The following MCTP1 variants were observed in gnomAD, a reference collection of about 807,000 sequenced individuals.
MCTP1 encodes multiple C2 and transmembrane domain containing 1, also known as multiple C2 and transmembrane domain-containing protein 1.
A neutral mutation model predicts 120.6 loss-of-function variants in MCTP1; 69 were observed. The observed-to-expected ratio is 0.57, with a 90% CI of 0.47 to 0.70. The LOEUF (loss-of-function observed/expected upper bound fraction) is 0.70, where lower values mean the gene tolerates loss of function less well. Ranked by LOEUF, MCTP1 falls within the 30% of genes least tolerant of loss-of-function variation. The pLI, the probability that MCTP1 is intolerant of heterozygous loss-of-function variation, is 0.00. For missense variants in MCTP1, 1,203 were observed against 1,248.8 expected, an observed-to-expected ratio of 0.96 and a Z score of 0.55; for synonymous variants, 529 against 493.1, an observed-to-expected ratio of 1.07 and a Z score of -0.96.
intron 18 of MCTP1, chr5:94,792,615 C>A (rs976635218): frequency 2.0e-5 from 3 of 152,340 alleles, no homozygotes; most frequent in African/African-American, 7.2e-5. Flanking sequence ...ATTTCTGTTT[C>A]CTCACCCTTA....
At chr5:95,122,509 G>A (rs1758317394) in intron 1 of MCTP1, among the ~76,000 whole-genome samples, 1 of 152,076 alleles carries the variant, frequency 6.6e-6, no homozygotes, top group South Asian at 2.1e-4. Flanking sequence ...ACAAATATTG[G>A]CAAGGATATA....
At chr5:95,065,060 T>C (rs1034263105) in intron 1 of MCTP1, among the ~76,000 whole-genome samples, 1 of 152,156 alleles carries the variant, frequency 6.6e-6, no homozygotes, top group Non-Finnish European at 1.5e-5. Flanking sequence ...CATTTAAAAT[T>C]TATATAACTG....
intron 1 of MCTP1, among the ~76,000 whole-genome samples, chr5:95,033,298 C>A (rs1562050066): frequency 2.0e-5 from 3 of 151,992 alleles, no homozygotes; most frequent in Non-Finnish European, 4.4e-5. Flanking sequence ...AGGTCAATAG[C>A]CCTAATGAAC....
chr5:94,922,254 G>C (rs1270913786), intron 7 of MCTP1, among the ~76,000 whole-genome samples: 1 of 152,148 alleles, frequency 6.6e-6, no homozygotes, highest in Non-Finnish European at 1.5e-5. Context: ...AGAATATTTG[G>C]GGATGAACAC....
At chr5:95,185,365 G>C (rs1749091325) in intron 1 of MCTP1, among the ~76,000 whole-genome samples, 1 of 152,114 alleles carries the variant, frequency 6.6e-6, no homozygotes, top group Non-Finnish European at 1.5e-5. Flanking sequence ...ATTTAATGCT[G>C]GTTTAATATT....
At chr5:95,067,064 AC>A (rs1750841983) in intron 1 of MCTP1, among the ~76,000 whole-genome samples, 1 of 150,114 alleles carries the variant, frequency 6.7e-6, no homozygotes, top group Admixed American at 6.7e-5. Context: ...ATGGACCGGT[AC>A]CAATCCAAGG....
intron 2 of MCTP1, among the ~76,000 whole-genome samples, chr5:94,954,009 T>C (rs1242095444): frequency 6.9e-5 from 3 of 43,742 alleles, no homozygotes; most frequent in South Asian, 1.3e-3. Context: ...TGCATATATA[T>C]ACAAATATAT....
chr5:95,148,766 G>A (rs950793011), intron 1 of MCTP1, among the ~76,000 whole-genome samples: 2 of 151,710 alleles, frequency 1.3e-5, no homozygotes, highest in Non-Finnish European at 2.9e-5. Flanking sequence ...TTTTTTAATT[G>A]CCAGAATTCC....
chr5:94,996,155 A>T (rs1832574667), intron 2 of MCTP1, among the ~76,000 whole-genome samples: 1 of 152,204 alleles, frequency 6.6e-6, no homozygotes, highest in Non-Finnish European at 1.5e-5. Context: ...GCAAACATTT[A>T]CTTCATGTAA....
chr5:94,728,689 C>T (rs1762570046), intron 19 of MCTP1, among the ~76,000 whole-genome samples: 1 of 152,110 alleles, frequency 6.6e-6, no homozygotes, highest in Non-Finnish European at 1.5e-5. Context: ...TATATAAATA[C>T]TAGTTTTCTT....
In MCTP1 at chr5:95,284,651, T is replaced by A; in HGVS notation, c.-76A>T. ...CTTCTCCTCCCTCTTCGGCTGCACCTCCTCCCGGGTCCCCGCGGCGCTGGC... is the reference window on the plus strand; with the variant it reads ...CTTCTCCTCCCTCTTCGGCTGCACCACCTCCCGGGTCCCCGCGGCGCTGGC... On this transcript the variant is annotated 5_prime_UTR_variant, in exon 1 of 23. Coordinates refer to ENST00000515393, the MANE Select transcript of MCTP1 (RefSeq NM_024717.7). The surrounding 1 kb of genome is among the most constrained non-coding windows in gnomAD (Gnocchi z 5.2). 8.3e-7 allele frequency: 1 copy of A among 1,202,970 alleles called. No homozygotes were observed. Among genetic ancestry groups the A allele is most frequent in the Non-Finnish European group, 1.1e-6 (1 of 921,770 alleles). 74.5% of individuals were successfully genotyped at this position (1,202,970 alleles called of 1,614,324 possible).
At chr5:94,988,796 T>C (rs67223139) in intron 2 of MCTP1, among the ~76,000 whole-genome samples, 7,476 of 152,162 alleles carry the variant, frequency 0.049, 292 homozygotes, top group East Asian at 0.087. Context: ...CAGTTCCACA[T>C]GGCTGGGGAG....
At chr5:94,949,792 C>T (rs955859031) in intron 3 of MCTP1, among the ~76,000 whole-genome samples, 1 of 152,198 alleles carries the variant, frequency 6.6e-6, no homozygotes, top group South Asian at 2.1e-4. Flanking sequence ...TCAGTCACTA[C>T]AGAATTGATT....
At chr5:95,196,552 A>T (rs1184554865) in intron 1 of MCTP1, among the ~76,000 whole-genome samples, 1 of 152,244 alleles carries the variant, frequency 6.6e-6, no homozygotes, top group East Asian at 1.9e-4. Flanking sequence ...CCAGGAGTCC[A>T]CATGGGAGTA....
At chr5:94,736,686 A>C (rs1315808760) in intron 19 of MCTP1, among the ~76,000 whole-genome samples, 1 of 152,178 alleles carries the variant, frequency 6.6e-6, no homozygotes, top group South Asian at 2.1e-4. Context: ...TGCATATTTT[A>C]AATGAGAGAC....
At chr5:94,885,382 C>A (rs1801056521) in intron 12 of MCTP1, among the ~76,000 whole-genome samples, 1 of 151,764 alleles carries the variant, frequency 6.6e-6, no homozygotes. Flanking sequence ...GAGAAGAACT[C>A]TTTTCTCCTT....
intron 19 of MCTP1, among the ~76,000 whole-genome samples, chr5:94,749,644 GACTTC>G (rs1767770022): frequency 1.2e-5 from 1 of 83,768 alleles, no homozygotes; most frequent in Non-Finnish European, 2.0e-5. Flanking sequence ...GACAGAGCAA[GACTTC>G]ATCTCAAAAA....
In MCTP1 at chr5:94,895,875, G is replaced by A. The variant is rs112156150; in HGVS notation, c.1653-1040C>T. Among the ~76,000 whole-genome samples the A allele has an allele frequency of 7.7e-4, 117 of 152,260 alleles. 1 individual carries two copies. The highest frequency in any genetic ancestry group is 7.3e-3 in the East Asian group (38 of 5,176). On this transcript the variant is annotated intron_variant, in intron 10 of 22. Coordinates refer to ENST00000515393, the MANE Select transcript of MCTP1 (RefSeq NM_024717.7). Reference sequence around the variant, plus strand: ...ATGAGGGATGTCTGGGACTAGACACGAATGGGAGGAAGAGGAATATTGATG... The same window carrying A: ...ATGAGGGATGTCTGGGACTAGACACAAATGGGAGGAAGAGGAATATTGATG...
chr5:95,078,067 T>TCCATCCATCCATCC (rs1754076010), intron 1 of MCTP1, among the ~76,000 whole-genome samples: 1 of 21,842 alleles, frequency 4.6e-5, no homozygotes, highest in African/African-American at 1.0e-4. Context: ...TCCATCCATC[T>TCCATCCATCCATCC]TGTTTGCAAG....
Sources: gnomAD v4.1 joint callset for allele counts (sites outside exome capture counted in the v4.1 genomes callset) on GRCh38, gnomAD v4.1.1 for gene constraint, Gnocchi (gnomAD v3.1) non-coding constraint, MANE v1.5 for transcripts, NCBI Gene and HGNC (gene_info 2026-07-23, HGNC 2026-07-21) for gene names.